Variants in GIT2 observed in about 807,000 individuals in gnomAD.
GIT2 encodes ARF GTPase-activating protein GIT2.
A neutral mutation model predicts 100.3 loss-of-function variants in GIT2; 32 were observed. The ratio of observed to expected loss-of-function variants is 0.32; its 90% CI spans 0.24 to 0.43. GIT2 has a LOEUF of 0.43. GIT2 is among the 20% of genes least tolerant of loss of function. The pLI is 1.00. For missense variants in GIT2, 737 were observed against 975.1 expected (o/e 0.76, Z 3.25); for synonymous variants, 353 against 364.1 (o/e 0.97, Z 0.35).
chr12:109,985,341 G>T (rs1434837316), intron 4 of GIT2, among the ~76,000 whole-genome samples: 1 of 152,070 alleles, frequency 6.6e-6, no homozygotes, highest in Admixed American at 6.6e-5. Flanking sequence ...TTAATCAATG[G>T]AAGTAGCTAG....
chr12:109,977,447 G>A (rs1033017376), intron 7 of GIT2, among the ~76,000 whole-genome samples: 4 of 152,072 alleles, frequency 2.6e-5, no homozygotes, highest in African/African-American at 9.7e-5. Flanking sequence ...AGAGGTTGAG[G>A]TTTCAGTGAG....
intron 6 of GIT2, chr12:109,982,308 A>G (rs1395792893): frequency 1.3e-5 from 2 of 152,238 alleles, no homozygotes; most frequent in Admixed American, 6.5e-5. Context: ...GATTTGGACC[A>G]CAATGAAGAA....
chr12:109,960,262 C>T (rs1038883721), intron 11 of GIT2, among the ~76,000 whole-genome samples: 2 of 152,180 alleles, frequency 1.3e-5, no homozygotes, highest in African/African-American at 2.4e-5. Context: ...GAATGCTTTT[C>T]TTCTATTAAT....
At chr12:109,940,962 C>T (rs889788870) in intron 16 of GIT2, among the ~76,000 whole-genome samples, 8 of 151,630 alleles carry the variant, frequency 5.3e-5, no homozygotes, top group African/African-American at 9.7e-5. Context: ...AAGCCTGTCA[C>T]TCCTTACTGA....
rs768536427 is a variant in GIT2, at chr12:109,965,599, A to T, written c.765-22T>A. 1.2e-5 allele frequency: 18 copies of T among 1,503,420 alleles called. No homozygotes were observed. In the South Asian group the frequency reaches 2.0e-4, roughly 17 times the overall value. 93.1% of individuals were successfully genotyped at this position (1,503,420 alleles called of 1,614,324 possible). On this transcript the variant is annotated intron_variant, in intron 8 of 19. Coordinates refer to ENST00000355312, the MANE Select transcript of GIT2 (RefSeq NM_057169.5). ...GCTGCTAAGAAAACATACAAAGCTAATAAGCAAATAAATAAAGCCAGACTT... is the reference window on the plus strand; with the variant it reads ...GCTGCTAAGAAAACATACAAAGCTATTAAGCAAATAAATAAAGCCAGACTT...
Position 109,996,350 on chromosome 12 carries a change from C to G in GIT2, c.-126G>C. ...CTGACGGCGGCGCCTCTCCCCTCAG[C>G]GCCTTGCAGCCTTGGCACAGCACGC... On this transcript the variant is annotated 5_prime_UTR_variant, in exon 1 of 20. Coordinates refer to ENST00000355312, the MANE Select transcript of GIT2 (RefSeq NM_057169.5). 1.6e-6 allele frequency: 1 copy of G among 634,486 alleles called. No individual in the cohort carries two copies. The highest frequency in any genetic ancestry group is 2.6e-6 in the Non-Finnish European group (1 of 377,790). 39.3% of individuals were successfully genotyped at this position (634,486 alleles called of 1,614,324 possible). A position where few individuals can be genotyped will look rare whatever the true frequency, so the allele number is the denominator to read the frequency against.
At chr12:109,985,405 C>G in intron 4 of GIT2, among the ~76,000 whole-genome samples, 1 of 151,898 alleles carries the variant, frequency 6.6e-6, no homozygotes, top group South Asian at 2.1e-4. Context: ...CCAGATTCTG[C>G]TGGGGATTAA....
At chr12:109,961,222 A>T in intron 11 of GIT2, 56 bp downstream of exon 11, 1 of 965,360 alleles carries the variant, frequency 1.0e-6, no homozygotes, top group Non-Finnish European at 1.7e-6. Flanking sequence ...GGGAAAAATG[A>T]AACATGACAT....
At chr12:109,944,041 G>T (rs1203059367) in intron 16 of GIT2, among the ~76,000 whole-genome samples, 1 of 152,190 alleles carries the variant, frequency 6.6e-6, no homozygotes, top group East Asian at 1.9e-4. Context: ...GCATGGTGGC[G>T]CATGCCTGTA....
Position 109,931,012 on chromosome 12 carries a change from G to A in GIT2, c.*1966C>T, listed in dbSNP as rs938647986. 2.6e-5 allele frequency: 4 copies of A among 152,100 alleles called. No homozygotes were observed. Among genetic ancestry groups the A allele is most frequent in the African/African-American group, 9.7e-5 (4 of 41,410 alleles). The allele number at this position is 152,100 out of a possible 1,614,324, so 9.4% of individuals were successfully genotyped here. On this transcript the variant is annotated 3_prime_UTR_variant, in exon 20 of 20. Transcript: ENST00000355312. ...AAGTGGAAGAGTCTTTTGGAGACGT[G>A]GACCCTTTTCCCATGCTACTCACAG...
chr12:109,970,293 A>T (rs1403874738), intron 7 of GIT2, among the ~76,000 whole-genome samples: 2 of 152,028 alleles, frequency 1.3e-5, no homozygotes, highest in Non-Finnish European at 2.9e-5. Context: ...GGCGACCAAC[A>T]CCATCCTGAC....
chr12:109,994,521 T>C (rs1250961619), intron 1 of GIT2, among the ~76,000 whole-genome samples: 1 of 152,130 alleles, frequency 6.6e-6, no homozygotes, highest in Non-Finnish European at 1.5e-5. Context: ...CTGCTCAATT[T>C]CACAGAATAT....
chr12:109,946,861 A>G (rs1303650680), intron 15 of GIT2, among the ~76,000 whole-genome samples: 2 of 152,198 alleles, frequency 1.3e-5, no homozygotes, highest in Non-Finnish European at 2.9e-5. Flanking sequence ...AAAGGGGCAC[A>G]TCCCTGTCTA....
chr12:109,996,563 G>A (rs1055243141), upstream of GIT2, among the ~76,000 whole-genome samples: 2 of 152,244 alleles, frequency 1.3e-5, no homozygotes, highest in Admixed American at 6.5e-5. Flanking sequence ...ACCAGGGGAA[G>A]TAGCAATATC....
chr12:109,938,268 A>G (rs528996982), intron 18 of GIT2, 112 bp downstream of exon 18: 23 of 721,092 alleles, frequency 3.2e-5, no homozygotes, highest in Non-Finnish European at 4.7e-5. Flanking sequence ...CTTGTTTTCA[A>G]TGACCTTGAA....
At chr12:109,966,944 GA>G (rs2136482181) in intron 8 of GIT2, among the ~76,000 whole-genome samples, 1 of 152,254 alleles carries the variant, frequency 6.6e-6, no homozygotes, top group African/African-American at 2.4e-5. Flanking sequence ...TTCATAACGT[GA>G]AAACTATTTG....
Position 109,944,744 on chromosome 12 carries a change from A to G in GIT2, c.1731+516T>C, listed in dbSNP as rs113891796. Among the ~76,000 whole-genome samples, 449 of 152,214 alleles carry G rather than the reference A, an allele frequency of 2.9e-3. 2 individuals are homozygous for G. The highest frequency in any genetic ancestry group is 0.01 in the African/African-American group (424 of 41,532). On this transcript the variant is annotated intron_variant, in intron 16 of 19. Coordinates refer to ENST00000355312, the MANE Select transcript of GIT2 (RefSeq NM_057169.5). The stretch of plus-strand genomic sequence containing the variant: ...CATAGCTCCAATGCCACAAGGTGTT[A>G]CAATTCTGATTCAAGATGCAGGGAC...
At position 109,951,065 on chromosome 12, in the gene GIT2, A is replaced by G. The variant is rs191572361; in HGVS notation, c.1392+102T>C. 286 of 992,044 alleles carry G rather than the reference A, an allele frequency of 2.9e-4. 2 individuals are homozygous for G. The African/African-American group carries it at 4.3e-3, about 15-fold the overall frequency. The allele number at this position is 992,044 out of a possible 1,614,324, so 61.5% of individuals were successfully genotyped here. On this transcript the variant is annotated intron_variant, in intron 14 of 19. Coordinates refer to ENST00000355312, the MANE Select transcript of GIT2 (RefSeq NM_057169.5). ...CCCAAAGATTTCTAAGGCTGTTACA[A>G]TAACTGTTTTTCTTTCCTCGGACCA...
intron 7 of GIT2, among the ~76,000 whole-genome samples, chr12:109,979,947 G>C (rs1466630498): frequency 6.6e-6 from 1 of 152,212 alleles, no homozygotes; most frequent in African/African-American, 2.4e-5. Context: ...AAATATTTTA[G>C]GCTTTGTGGC....
Sources: gnomAD v4.1 joint callset for allele counts (sites outside exome capture counted in the v4.1 genomes callset) on GRCh38, gnomAD v4.1.1 for gene constraint, MANE v1.5 for transcripts, NCBI Gene and HGNC (gene_info 2026-07-23, HGNC 2026-07-21) for gene names.